CHCHD3: variants seen among roughly 807,000 people sequenced by gnomAD.
CHCHD3 encodes the protein MICOS complex subunit MIC19.
In CHCHD3, 20 loss-of-function variants were observed where a neutral mutation model predicts 38.2. That is an observed-to-expected ratio of 0.52 (90% confidence interval 0.37 to 0.76). The LOEUF (loss-of-function observed/expected upper bound fraction) is 0.76. Among genes scored for constraint, CHCHD3 ranks in the 30% least tolerant of loss-of-function variants. The pLI is 0.00. For missense variants in CHCHD3, 245 were observed against 279.2 expected, an observed-to-expected ratio of 0.88 and a Z score of 0.87; for synonymous variants, 82 against 100.0, an observed-to-expected ratio of 0.82 and a Z score of 1.07.
intron 5 of CHCHD3, among the ~76,000 whole-genome samples, chr7:132,885,426 G>A (rs544607329): frequency 3.9e-5 from 6 of 152,126 alleles, no homozygotes; most frequent in East Asian, 3.9e-4. Context: ...AAGTATTTGC[G>A]GTAGGTCCCA....
rs1810672763 is a variant in CHCHD3, at chr7:132,938,021, A to C, written c.369+37148T>G. Reference sequence around the variant, plus strand: ...TGTATTACTTAAAAATAATACATGAAGTGTTTCTATAAAATGGCAGGAATT... The same window carrying C: ...TGTATTACTTAAAAATAATACATGACGTGTTTCTATAAAATGGCAGGAATT... On this transcript the variant is annotated intron_variant, in intron 4 of 7. Transcript: ENST00000262570. Among the ~76,000 whole-genome samples, 5 of 152,344 alleles carry C rather than the reference A, an allele frequency of 3.3e-5. No individual in the cohort carries two copies. The South Asian group carries it at 1.0e-3, about 32-fold the overall frequency.
chr7:132,948,459 C>T (rs781507425), intron 4 of CHCHD3, among the ~76,000 whole-genome samples: 2 of 152,066 alleles, frequency 1.3e-5, no homozygotes, highest in Non-Finnish European at 2.9e-5. Flanking sequence ...TAGTAGAAAA[C>T]GTAACAGCTT....
chr7:133,068,766 A>G (rs952710681), intron 2 of CHCHD3, among the ~76,000 whole-genome samples: 5 of 152,214 alleles, frequency 3.3e-5, no homozygotes, highest in African/African-American at 1.2e-4. Flanking sequence ...GGTGTAAGGA[A>G]AAAAGAAAAC....
chr7:132,820,653 A>G (rs1231441980), intron 6 of CHCHD3, among the ~76,000 whole-genome samples: 3 of 102,554 alleles, frequency 2.9e-5, no homozygotes, highest in Non-Finnish European at 5.7e-5. Context: ...CCTAACATCT[A>G]GTCTTCTTTT....
intron 5 of CHCHD3, among the ~76,000 whole-genome samples, chr7:132,847,965 T>C (rs1013418319): frequency 7.2e-5 from 11 of 152,206 alleles, no homozygotes; most frequent in African/African-American, 2.2e-4. Flanking sequence ...CCTGACACTA[T>C]TTCCCAGAAA....
chr7:132,795,540 C>T (rs192975036), intron 7 of CHCHD3, among the ~76,000 whole-genome samples: 4 of 152,156 alleles, frequency 2.6e-5, no homozygotes, highest in Non-Finnish European at 4.4e-5. Flanking sequence ...AATACTAACC[C>T]TCCCGTCGGA....
intron 4 of CHCHD3, among the ~76,000 whole-genome samples, chr7:132,909,203 A>G (rs1013310811): frequency 1.3e-5 from 2 of 152,084 alleles, no homozygotes; most frequent in Non-Finnish European, 2.9e-5. Flanking sequence ...TCTTTCCTTT[A>G]TAAATTGCCC....
intron 4 of CHCHD3, among the ~76,000 whole-genome samples, chr7:132,917,612 A>C (rs1330158480): frequency 6.6e-6 from 1 of 152,200 alleles, no homozygotes; most frequent in Non-Finnish European, 1.5e-5. Flanking sequence ...TAATCTCGGC[A>C]CTTTGAGAGG....
intron 1 of CHCHD3, among the ~76,000 whole-genome samples, chr7:133,079,040 A>C (rs1299450944): frequency 6.6e-6 from 1 of 152,212 alleles, no homozygotes; most frequent in Non-Finnish European, 1.5e-5. Flanking sequence ...GCCAAGAAAA[A>C]TATAAAGAAA....
chr7:132,865,315 T>C (rs1476607142), intron 5 of CHCHD3, among the ~76,000 whole-genome samples: 1 of 152,174 alleles, frequency 6.6e-6, no homozygotes, highest in Non-Finnish European at 1.5e-5. Flanking sequence ...TTTCCTGTTT[T>C]AATCATGGGG....
intron 4 of CHCHD3, among the ~76,000 whole-genome samples, chr7:132,926,842 G>GT (rs200736776): frequency 1.0e-4 from 15 of 149,486 alleles, no homozygotes; most frequent in African/African-American, 2.2e-4. Context: ...TTGTATTGTT[G>GT]TTTTTTTTTC....
Position 132,810,260 on chromosome 7 carries a change from G to A in CHCHD3, c.525-13683C>T, listed in dbSNP as rs533148317. 1.3e-4 allele frequency among the ~76,000 whole-genome samples: 20 copies of A among 152,278 alleles called. No homozygotes were observed. The East Asian group carries it at 3.5e-3, about 26-fold the overall frequency. ...AACTAGAAGAAAATACACCTTCGAAGTATTTTATAGCTAATAAATGTGAGA... is the reference window on the plus strand; with the variant it reads ...AACTAGAAGAAAATACACCTTCGAAATATTTTATAGCTAATAAATGTGAGA... On this transcript the variant is annotated intron_variant, in intron 6 of 7. Transcript: ENST00000262570.
At chr7:133,030,378 T>G (rs1248114233) in intron 2 of CHCHD3, among the ~76,000 whole-genome samples, 1 of 152,174 alleles carries the variant, frequency 6.6e-6, no homozygotes, top group African/African-American at 2.4e-5. Context: ...GATCTGAACA[T>G]TTTCTCAAAT....
At chr7:132,895,395 C>T (rs189339008) in intron 4 of CHCHD3, among the ~76,000 whole-genome samples, 140 of 152,360 alleles carry the variant, frequency 9.2e-4, no homozygotes, top group Non-Finnish European at 1.8e-3. Context: ...GCAGCACTAC[C>T]CCCTACTCTG....
chr7:133,035,376 C>T lies in CHCHD3; in HGVS notation c.170-10749G>A, dbSNP rs12671661. On this transcript the variant is annotated intron_variant, in intron 2 of 7. Transcript: ENST00000262570. This position sits in a 1 kb window ranked among gnomAD's most constrained non-coding sequence, Gnocchi z 4.7. ...CCAGCGGTTGGTATTGCGAAAGGCC[C>T]GGCGGAAAGAAGGCTCTAGAACCTG... is the stretch of plus-strand genomic sequence containing the variant. 10 of 1,613,008 alleles carry T rather than the reference C, an allele frequency of 6.2e-6. No individual in the cohort carries two copies. The highest frequency in any genetic ancestry group is 1.1e-5 in the South Asian group (1 of 91,058).
chr7:132,862,327 T>G (rs1048519021), intron 5 of CHCHD3, among the ~76,000 whole-genome samples: 1 of 152,324 alleles, frequency 6.6e-6, no homozygotes, highest in African/African-American at 2.4e-5. Flanking sequence ...GCAGGTTTGG[T>G]TTCACACTAT....
At chr7:132,970,863 C>T (rs936103526) in intron 4 of CHCHD3, among the ~76,000 whole-genome samples, 2 of 152,034 alleles carry the variant, frequency 1.3e-5, no homozygotes. Flanking sequence ...ATAATCCCAA[C>T]ACCCTGGGAG....
chr7:132,951,985 T>A (rs1349056398), intron 4 of CHCHD3, among the ~76,000 whole-genome samples: 1 of 152,216 alleles, frequency 6.6e-6, no homozygotes, highest in Non-Finnish European at 1.5e-5. Flanking sequence ...AGAGGAAAGA[T>A]GAGTAGAAAT....
chr7:132,870,481 A>G (rs1418828366), intron 5 of CHCHD3, among the ~76,000 whole-genome samples: 4 of 152,048 alleles, frequency 2.6e-5, no homozygotes, highest in African/African-American at 9.7e-5. Flanking sequence ...ATAATTATCA[A>G]CCTCCTAGAG....
Sources: allele counts gnomAD v4.1 joint callset (sites outside exome capture counted in the v4.1 genomes callset), GRCh38; gene constraint gnomAD v4.1.1; non-coding constraint Gnocchi (gnomAD v3.1); transcripts MANE v1.5; gene names NCBI Gene and HGNC (gene_info 2026-07-23, HGNC 2026-07-21).